DOCK8: variants seen among roughly 807,000 people sequenced by gnomAD.
DOCK8 encodes dedicator of cytokinesis 8, also known as dedicator of cytokinesis protein 8.
Under a neutral mutation model 245.6 loss-of-function variants are expected in DOCK8, and 141 were observed. The ratio of observed to expected loss-of-function variants is 0.57; its 90% CI spans 0.50 to 0.66. The LOEUF (loss-of-function observed/expected upper bound fraction) is 0.66. Ranked by LOEUF, DOCK8 falls within the 30% of genes least tolerant of loss-of-function variation. The pLI, the probability that DOCK8 is intolerant of heterozygous loss-of-function variation, is 0.00. For missense variants in DOCK8, 2,965 were observed against 2,603.4 expected, an observed-to-expected ratio of 1.14 and a Z score of -3.02; for synonymous variants, 1,168 against 970.2, an observed-to-expected ratio of 1.20 and a Z score of -3.79.
intron 22 of DOCK8, among the ~76,000 whole-genome samples, chr9:384,554 T>C (rs1253180562): frequency 6.6e-6 from 1 of 152,228 alleles, no homozygotes; most frequent in Non-Finnish European, 1.5e-5. Context: ...CTGGGCCTCA[T>C]GTCCTCATCT....
intron 41 of DOCK8, among the ~76,000 whole-genome samples, 160 bp downstream of exon 41, chr9:441,577 G>T (rs961148727): frequency 1.3e-5 from 2 of 152,176 alleles, no homozygotes; most frequent in African/African-American, 2.4e-5. Flanking sequence ...TCTTCTAACA[G>T]AGGACCAAAA....
At chr9:310,562 G>T (rs553664045) in intron 5 of DOCK8, among the ~76,000 whole-genome samples, 2 of 152,116 alleles carry the variant, frequency 1.3e-5, no homozygotes, top group Admixed American at 6.5e-5. Flanking sequence ...GGGTTCAAGC[G>T]ATTCTCCTGC....
intron 21 of DOCK8, among the ~76,000 whole-genome samples, chr9:381,667 G>A (rs1359861645): frequency 6.6e-6 from 1 of 152,106 alleles, no homozygotes; most frequent in Non-Finnish European, 1.5e-5. Flanking sequence ...AAAAATACTA[G>A]TGATGTGGCT....
chr9:437,660 T>C (rs536740981), intron 39 of DOCK8, among the ~76,000 whole-genome samples: 1 of 152,190 alleles, frequency 6.6e-6, no homozygotes, highest in Admixed American at 6.5e-5. Context: ...CTTGTTCTGC[T>C]CCAATGAAAT....
chr9:368,467 A>G (rs1381663334), intron 15 of DOCK8: 1 of 601,910 alleles, frequency 1.7e-6, no homozygotes, highest in Non-Finnish European at 3.0e-6. Context: ...CACGTGCGCC[A>G]TGTTTGCTGA....
At chr9:283,741 TGAATAG>T (rs1265249802) in intron 2 of DOCK8, among the ~76,000 whole-genome samples, 2 of 152,264 alleles carry the variant, frequency 1.3e-5, no homozygotes, top group African/African-American at 4.8e-5. Flanking sequence ...TTGTTATGAC[TGAATAG>T]AATTATTCAG....
rs1283683820 is a variant in DOCK8, at chr9:441,272, C to CT, written c.5224-13dup. On this transcript the variant is annotated splice_polypyrimidine_tract_variant and intron_variant, in intron 40 of 47. Coordinates refer to ENST00000432829, the MANE Select transcript of DOCK8 (RefSeq NM_203447.4). ...GGATTAAATTCTCTCTGATGCTCTTCTCCTCTTTCCAAGGGAGGCTTATAT... is the reference window on the plus strand; with the variant it reads ...GGATTAAATTCTCTCTGATGCTCTTCTTCCTCTTTCCAAGGGAGGCTTATAT... The CT allele has an allele frequency of 6.8e-6, 11 of 1,613,998 alleles. No homozygotes were observed. Among genetic ancestry groups the CT allele is most frequent in the Non-Finnish European group, 8.5e-6 (10 of 1,179,988 alleles).
chr9:393,642 G>C (rs1564002897), intron 24 of DOCK8, among the ~76,000 whole-genome samples: 1 of 152,136 alleles, frequency 6.6e-6, no homozygotes, highest in Non-Finnish European at 1.5e-5. Context: ...TAAAGCACAT[G>C]GCCCATCTTA....
intron 14 of DOCK8, among the ~76,000 whole-genome samples, chr9:367,101 T>C (rs1348696805): frequency 6.6e-6 from 1 of 152,206 alleles, no homozygotes; most frequent in Admixed American, 6.5e-5. Context: ...ATGATAATAG[T>C]ACCAACCTAT....
intron 24 of DOCK8, among the ~76,000 whole-genome samples, chr9:395,197 C>CA (rs1049245351): frequency 6.6e-6 from 1 of 152,118 alleles, no homozygotes; most frequent in Non-Finnish European, 1.5e-5. Flanking sequence ...TGTCCCAAAC[C>CA]AAAGAGGATG....
intron 14 of DOCK8, among the ~76,000 whole-genome samples, chr9:351,784 G>A (rs1188544384): frequency 1.3e-5 from 2 of 152,298 alleles, no homozygotes; most frequent in East Asian, 3.9e-4. Context: ...GGTTAAAGAT[G>A]TCATGGCAAC....
intron 5 of DOCK8, among the ~76,000 whole-genome samples, chr9:305,357 A>C (rs1024831162): frequency 4.6e-5 from 7 of 150,932 alleles, no homozygotes; most frequent in Non-Finnish European, 8.8e-5. Flanking sequence ...ATCTTGGCTC[A>C]CTGCAAGCTC....
intron 2 of DOCK8, among the ~76,000 whole-genome samples, chr9:279,109 A>G (rs1278321331): frequency 6.6e-6 from 1 of 152,222 alleles, no homozygotes; most frequent in Non-Finnish European, 1.5e-5. Flanking sequence ...GGTGATATGT[A>G]GAGTGTAGGA....
At chr9:258,461 T>C (rs2047832746) in intron 1 of DOCK8, among the ~76,000 whole-genome samples, 1 of 152,180 alleles carries the variant, frequency 6.6e-6, no homozygotes, top group South Asian at 2.1e-4. Context: ...CAATGTGTGT[T>C]GAGTTTAACT....
At chr9:393,501 G>T (rs148250699) in intron 24 of DOCK8, among the ~76,000 whole-genome samples, 1 of 152,306 alleles carries the variant, frequency 6.6e-6, no homozygotes, top group African/African-American at 2.4e-5. Flanking sequence ...TTGGAGGAAG[G>T]GTGGTGGCCA....
chr9:291,380 T>A (rs979669972), intron 4 of DOCK8, among the ~76,000 whole-genome samples: 2 of 152,202 alleles, frequency 1.3e-5, no homozygotes, highest in Non-Finnish European at 2.9e-5. Flanking sequence ...TCTAGACAGA[T>A]AATCATCATG....
intron 15 of DOCK8, chr9:368,531 CA>C: frequency 9.8e-6 from 5 of 507,722 alleles, no homozygotes; most frequent in South Asian, 8.1e-5. Flanking sequence ...CAGTGTTACA[CA>C]CTTACTCAAG....
intron 14 of DOCK8, among the ~76,000 whole-genome samples, chr9:359,803 C>CAAA (rs67236172): frequency 4.6e-5 from 5 of 108,512 alleles, no homozygotes; most frequent in African/African-American, 6.0e-5. Context: ...TCTGTCTTTG[C>CAAA]AAAAAAAAAA....
intron 14 of DOCK8, among the ~76,000 whole-genome samples, chr9:341,796 G>A (rs559150706): frequency 5.9e-5 from 9 of 152,340 alleles, no homozygotes; most frequent in African/African-American, 1.7e-4. Context: ...CATCGGGTGA[G>A]TGAAGCTTCA....
Sources: gnomAD v4.1 joint callset for allele counts (sites outside exome capture counted in the v4.1 genomes callset) on GRCh38, gnomAD v4.1.1 for gene constraint, MANE v1.5 for transcripts, NCBI Gene and HGNC (gene_info 2026-07-23, HGNC 2026-07-21) for gene names.